MMP26: variants seen among roughly 807,000 people sequenced by gnomAD.
MMP26 encodes the protein matrix metallopeptidase 26, also known as matrix metalloproteinase-26.
In MMP26, 33 loss-of-function variants were observed where a neutral mutation model predicts 31.0. The observed-to-expected ratio is 1.06, with a 90% CI of 0.81 to 1.42. The LOEUF (loss-of-function observed/expected upper bound fraction) is 1.42, where lower values mean the gene tolerates loss of function less well. MMP26 is among the 40% of genes most tolerant of loss of function. MMP26 has a pLI of 0.00. For missense variants in MMP26, 347 were observed against 316.1 expected (o/e 1.10, Z -0.74); for synonymous variants, 122 against 114.9 (o/e 1.06, Z -0.40).
chr11:4,769,489 G>A, intron 2 of MMP26: 2 of 1,613,776 alleles, frequency 1.2e-6, no homozygotes, highest in South Asian at 1.1e-5. Flanking sequence ...CCATTTGAAT[G>A]ATTCTGGAAT....
At chr11:4,725,846 A>G (rs1848091910) in intron 1 of MMP26, among the ~76,000 whole-genome samples, 2 of 152,096 alleles carry the variant, frequency 1.3e-5, no homozygotes, top group African/African-American at 4.8e-5. Flanking sequence ...GGTCCATACT[A>G]CTCTCACAAA....
At chr11:4,739,425 A>G (rs1848283617) in intron 1 of MMP26, among the ~76,000 whole-genome samples, 2 of 152,026 alleles carry the variant, frequency 1.3e-5, no homozygotes, top group Admixed American at 1.3e-4. Flanking sequence ...TCTTGCTAAG[A>G]CCCTCACTAA....
At chr11:4,899,736 G>A (rs1043761028) in intron 2 of MMP26, among the ~76,000 whole-genome samples, 7 of 152,068 alleles carry the variant, frequency 4.6e-5, no homozygotes, top group African/African-American at 1.7e-4. Flanking sequence ...TTCCTTGCCA[G>A]CTTGTTTTTG....
chr11:4,844,980 C>T (rs969031063), intron 2 of MMP26, among the ~76,000 whole-genome samples: 14 of 151,986 alleles, frequency 9.2e-5, no homozygotes, highest in South Asian at 2.1e-4. Flanking sequence ...TCAGAAGATA[C>T]GATCTTATAT....
At chr11:4,812,803 G>A (rs1285646636) in intron 2 of MMP26, among the ~76,000 whole-genome samples, 5 of 152,100 alleles carry the variant, frequency 3.3e-5, no homozygotes, top group Admixed American at 1.3e-4. Context: ...GGGTGAGGGA[G>A]GCCTTCTGTG....
chr11:4,923,280 G>T, intron 2 of MMP26: 1 of 1,316,840 alleles, frequency 7.6e-7, no homozygotes. Flanking sequence ...CCTTTTTGTT[G>T]ACAGTCAACG....
chr11:4,889,943 T>C (rs941564700), intron 2 of MMP26: 1 of 157,832 alleles, frequency 6.3e-6, no homozygotes, highest in African/African-American at 2.4e-5. Flanking sequence ...AAAGAAACCA[T>C]AGAAGAAGTT....
At chr11:4,813,317 T>C (rs762237181) in intron 2 of MMP26, among the ~76,000 whole-genome samples, 2 of 152,176 alleles carry the variant, frequency 1.3e-5, no homozygotes, top group Non-Finnish European at 2.9e-5. Flanking sequence ...TATTGAAAAA[T>C]TGATAAAGAA....
At chr11:4,900,004 A>G (rs917870878) in intron 2 of MMP26, among the ~76,000 whole-genome samples, 2 of 152,152 alleles carry the variant, frequency 1.3e-5, no homozygotes, top group South Asian at 2.1e-4. Flanking sequence ...AGTCAAAGCT[A>G]TGTATAATGA....
chr11:4,909,648 A>C (rs1850959699), intron 2 of MMP26, among the ~76,000 whole-genome samples: 1 of 152,126 alleles, frequency 6.6e-6, no homozygotes. Flanking sequence ...AGTCTCTCTA[A>C]TATGCTTTTT....
chr11:4,974,301 A>G (rs969524398), intron 2 of MMP26, among the ~76,000 whole-genome samples: 4 of 152,010 alleles, frequency 2.6e-5, no homozygotes, highest in African/African-American at 9.7e-5. Context: ...TCAGCTGAAA[A>G]AAAAGGTCTA....
In MMP26 at chr11:4,990,704, C is replaced by A. The variant is rs770471115; in HGVS notation, c.427C>A (p.Gln143Lys). 3.1e-6 allele frequency: 5 copies of A among 1,614,084 alleles called. No homozygotes were observed. Among genetic ancestry groups the A allele is most frequent in the Admixed American group, 1.7e-5 (1 of 60,014 alleles). Reference sequence around the variant, plus strand: ...GACCCCTTTGATATTCCAGCAAGTGCAGAATGGAGATGCAGACATCAAGGT... The same window carrying A: ...GACCCCTTTGATATTCCAGCAAGTGAAGAATGGAGATGCAGACATCAAGGT... ...NVTPLIFQQV[Q>K]NGDADIKVSF... is the part of the protein sequence containing the mutation. The change falls in exon 5 of 8, where the codon CAG becomes AAG. Residue 143 changes from glutamine (Q) to lysine (K), a missense_variant. Coordinates refer to ENST00000380390, the MANE Select transcript of MMP26 (RefSeq NM_021801.5).
intron 2 of MMP26, among the ~76,000 whole-genome samples, chr11:4,806,814 C>T (rs1032733482): frequency 3.9e-5 from 6 of 152,102 alleles, no homozygotes; most frequent in African/African-American, 1.2e-4. Flanking sequence ...TCAAAACCAC[C>T]TATATCCGGG....
intron 2 of MMP26, among the ~76,000 whole-genome samples, chr11:4,837,517 T>G (rs1016484108): frequency 1.3e-5 from 2 of 152,120 alleles, no homozygotes; most frequent in African/African-American, 2.4e-5. Flanking sequence ...ATATTTAAAA[T>G]ATAAACAACC....
intron 1 of MMP26, chr11:4,756,842 G>A (rs1848510813): frequency 6.6e-6 from 1 of 151,754 alleles, no homozygotes; most frequent in Middle Eastern, 3.4e-3. Context: ...AGACACTGAC[G>A]ACTACAAAGC....
chr11:4,722,114 C>T (rs370796952), intron 1 of MMP26, among the ~76,000 whole-genome samples: 1 of 152,208 alleles, frequency 6.6e-6, no homozygotes, highest in Non-Finnish European at 1.5e-5. Flanking sequence ...CGCTATACTT[C>T]TTGCATAGCC....
chr11:4,856,397 AC>A (rs1196255706), intron 2 of MMP26, among the ~76,000 whole-genome samples: 1 of 152,156 alleles, frequency 6.6e-6, no homozygotes, highest in South Asian at 2.1e-4. Flanking sequence ...CAAATGGAAA[AC>A]CAAAAAAAGC....
intron 2 of MMP26, among the ~76,000 whole-genome samples, chr11:4,978,461 T>C (rs1181072632): frequency 1.3e-5 from 2 of 152,146 alleles, no homozygotes; most frequent in Non-Finnish European, 2.9e-5. Context: ...AATAAAATTA[T>C]GTCTTTTGGT....
chr11:4,964,609 A>T (rs1846565051), intron 2 of MMP26, among the ~76,000 whole-genome samples: 1 of 152,154 alleles, frequency 6.6e-6, no homozygotes, highest in Non-Finnish European at 1.5e-5. Context: ...TTATAAATAT[A>T]CGTGCACACA....
Sources: allele counts gnomAD v4.1 joint callset (sites outside exome capture counted in the v4.1 genomes callset), GRCh38; gene constraint gnomAD v4.1.1; transcripts MANE v1.5; gene names NCBI Gene and HGNC (gene_info 2026-07-23, HGNC 2026-07-21).